The following VPS53 variants were observed in gnomAD, a reference collection of about 807,000 sequenced individuals.
VPS53 encodes VPS53 subunit of GARP complex.
Under a neutral mutation model 107.0 loss-of-function variants are expected in VPS53, and 70 were observed. The ratio of observed to expected loss-of-function variants is 0.65; its 90% confidence interval spans 0.54 to 0.80. The LOEUF is 0.80. VPS53 is among the 30% of genes least tolerant of loss of function. The pLI is 0.00. For missense variants in VPS53, 917 were observed against 1,049.4 expected, an observed-to-expected ratio of 0.87 and a Z score of 1.74; for synonymous variants, 409 against 393.3, an observed-to-expected ratio of 1.04 and a Z score of -0.47.
At position 519,986 on chromosome 17, in the gene VPS53, A is replaced by T. The variant is rs897524540; in HGVS notation, c.2224-56T>A. ...TCAGGAAAACTACCACCACGGGAGGAGACAGGAGCGGGCCCTCAAGAAAAC... is the reference window on the plus strand; with the variant it reads ...TCAGGAAAACTACCACCACGGGAGGTGACAGGAGCGGGCCCTCAAGAAAAC... On this transcript the variant is annotated intron_variant, in intron 20 of 21. Coordinates refer to ENST00000437048, the MANE Select transcript of VPS53 (RefSeq NM_001128159.3). The surrounding 1 kb of genome is among the most constrained non-coding windows in gnomAD (Gnocchi z 5.0). The T allele has an allele frequency of 1.9e-4, 241 of 1,295,568 alleles. 1 individual carries two copies. Among genetic ancestry groups the T allele is most frequent in the Non-Finnish European group, 2.5e-4 (226 of 915,544 alleles). 80.3% of individuals were successfully genotyped at this position (1,295,568 alleles called of 1,614,324 possible). A position where few individuals can be genotyped will look rare whatever the true frequency, so the allele number is the denominator to read the frequency against.
At chr17:552,364 GGTTGATGTGAAA>G (rs1911909863) in intron 16 of VPS53, among the ~76,000 whole-genome samples, 1 of 151,990 alleles carries the variant, frequency 6.6e-6, no homozygotes, top group African/African-American at 2.4e-5. Flanking sequence ...GTCAATAAGT[GGTTGATGTGAAA>G]GCTGAGAATT....
At chr17:553,246 A>G in intron 16 of VPS53, 134 bp downstream of exon 16, 1 of 663,330 alleles carries the variant, frequency 1.5e-6, no homozygotes, top group Non-Finnish European at 2.7e-6. Flanking sequence ...TACAAGGTAT[A>G]TACGTGCCAC....
intron 14 of VPS53, among the ~76,000 whole-genome samples, chr17:560,983 A>C (rs891814527): frequency 6.6e-6 from 1 of 152,138 alleles, no homozygotes; most frequent in Non-Finnish European, 1.5e-5. Flanking sequence ...CTGGTGGAGG[A>C]GGACATAAGC....
At chr17:698,399 C>T in intron 3 of VPS53, among the ~76,000 whole-genome samples, 1 of 149,760 alleles carries the variant, frequency 6.7e-6, no homozygotes, top group East Asian at 2.0e-4. Context: ...CACCACTGCA[C>T]TCTAGCCTGG....
chr17:686,220 T>G (rs868395496), intron 4 of VPS53, among the ~76,000 whole-genome samples: 44 of 152,066 alleles, frequency 2.9e-4, no homozygotes, highest in African/African-American at 8.4e-4. Flanking sequence ...CTTGGGAGGC[T>G]GAGGTGGAAG....
chr17:634,700 C>T (rs1024111944), intron 7 of VPS53, among the ~76,000 whole-genome samples: 4 of 151,984 alleles, frequency 2.6e-5, no homozygotes, highest in Admixed American at 2.6e-4. Flanking sequence ...CCAGCTTCAT[C>T]TGTGTCCCTA....
At chr17:570,690 T>A (rs571326403) in intron 13 of VPS53, among the ~76,000 whole-genome samples, 1 of 152,264 alleles carries the variant, frequency 6.6e-6, no homozygotes, top group African/African-American at 2.4e-5. Flanking sequence ...ACCTGCGATC[T>A]GAGAGCTATT....
chr17:573,153 C>G (rs1006099471), intron 13 of VPS53, among the ~76,000 whole-genome samples: 4 of 152,206 alleles, frequency 2.6e-5, no homozygotes, highest in African/African-American at 9.7e-5. Flanking sequence ...GGAGAATGGG[C>G]AGATATGGAG....
Position 627,774 on chromosome 17 carries a change from TCA to T in VPS53, c.831+312_831+313del, listed in dbSNP as rs60407745. Among the ~76,000 whole-genome samples the T allele has an allele frequency of 0.86, 129,690 of 150,582 alleles. 55,826 individuals are homozygous for T. Among genetic ancestry groups the T allele is most frequent in the South Asian group, 0.91 (4,316 of 4,742 alleles). On this transcript the variant is annotated intron_variant, in intron 9 of 21. Transcript: ENST00000437048. ...TGGGCAACAAGAGCGAAACTCCGTC[TCA>T]CACACACACACACACACACACAAAA... is the stretch of plus-strand genomic sequence containing the variant.
At chr17:645,491 C>T (rs940226387) in intron 7 of VPS53, among the ~76,000 whole-genome samples, 3 of 152,118 alleles carry the variant, frequency 2.0e-5, no homozygotes, top group African/African-American at 7.2e-5. Flanking sequence ...TTTTCATGCA[C>T]AAGTTTTAAA....
At chr17:552,099 C>T in intron 16 of VPS53, 149 bp from the exon 17 acceptor site, 2 of 676,120 alleles carry the variant, frequency 3.0e-6, no homozygotes, top group Non-Finnish European at 4.8e-6. Flanking sequence ...CAGCTTGGCT[C>T]TTTCTTCATG....
intron 13 of VPS53, among the ~76,000 whole-genome samples, chr17:576,858 G>C (rs1914661218): frequency 6.9e-6 from 1 of 145,436 alleles, no homozygotes. Context: ...TGCATTCCCA[G>C]AGAACCTCCC....
Position 714,695 on chromosome 17 carries a change from C to T in VPS53, c.15G>A (p.Glu5=), listed in dbSNP as rs1320474798. ...CCAGCTCCTCCACGAACTCCAGTTC[C>T]TCCTCCTCCATCATTCCGCCACCCG... is the stretch of plus-strand genomic sequence containing the variant. MMEE[E]ELEFVEELEA... The change falls in exon 1 of 22, where the codon GAG becomes GAA. Residue 5 remains glutamate, a synonymous_variant. Transcript: ENST00000437048. The T allele has an allele frequency of 3.7e-6, 6 of 1,613,602 alleles. No individual in the cohort carries two copies. The highest frequency in any genetic ancestry group is 4.2e-6 in the Non-Finnish European group (5 of 1,179,774).
chr17:608,796 T>G (rs557480282), intron 11 of VPS53, among the ~76,000 whole-genome samples: 21 of 152,116 alleles, frequency 1.4e-4, no homozygotes, highest in African/African-American at 4.6e-4. Flanking sequence ...TAAAATTTTT[T>G]TTTAGAGACA....
intron 13 of VPS53, among the ~76,000 whole-genome samples, chr17:578,413 C>G (rs1914837111): frequency 2.0e-5 from 3 of 151,840 alleles, no homozygotes; most frequent in South Asian, 4.2e-4. Flanking sequence ...CAGAGAAGCT[C>G]CCTCAGAACG....
intron 1 of VPS53, among the ~76,000 whole-genome samples, chr17:713,800 G>A (rs539970963): frequency 4.0e-4 from 61 of 152,246 alleles, no homozygotes; most frequent in Non-Finnish European, 7.9e-4. Context: ...AGCACTTTGG[G>A]AGGCCAAGGC....
At chr17:602,902 G>T (rs1968392074) in intron 11 of VPS53, among the ~76,000 whole-genome samples, 1 of 152,198 alleles carries the variant, frequency 6.6e-6, no homozygotes, top group African/African-American at 2.4e-5. Flanking sequence ...ACAGAAAAGA[G>T]GGACTGCTTG....
intron 4 of VPS53, among the ~76,000 whole-genome samples, chr17:691,993 G>T (rs1304200622): frequency 2.6e-5 from 4 of 152,124 alleles, no homozygotes; most frequent in African/African-American, 9.7e-5. Context: ...AGGTAAGTGG[G>T]GACGACTTGT....
At chr17:622,144 A>C (rs777604131) in intron 11 of VPS53, among the ~76,000 whole-genome samples, 8 of 152,070 alleles carry the variant, frequency 5.3e-5, no homozygotes, top group Admixed American at 4.6e-4. Flanking sequence ...CCTGGGAGGC[A>C]GAGGTTGCAG....
Sources: gnomAD v4.1 joint callset for allele counts (sites outside exome capture counted in the v4.1 genomes callset) on GRCh38, gnomAD v4.1.1 for gene constraint, Gnocchi (gnomAD v3.1) non-coding constraint, MANE v1.5 for transcripts, NCBI Gene and HGNC (gene_info 2026-07-23, HGNC 2026-07-21) for gene names.